The following RRP12 variants were observed in gnomAD, a reference collection of about 807,000 sequenced individuals.
The protein encoded by RRP12 is ribosomal RNA processing 12 homolog, also known as RRP12-like protein.
In RRP12, 78 loss-of-function variants were observed where a neutral mutation model predicts 157.3. That is an observed-to-expected ratio of 0.50 (90% CI 0.41 to 0.60). The LOEUF (loss-of-function observed/expected upper bound fraction) is 0.60, where lower values mean the gene tolerates loss of function less well. Among genes scored for constraint, RRP12 ranks in the 20% least tolerant of loss-of-function variants. The pLI is 0.00. For missense variants in RRP12, 1,521 were observed against 1,679.9 expected, an observed-to-expected ratio of 0.91 and a Z score of 1.65; for synonymous variants, 726 against 670.9, an observed-to-expected ratio of 1.08 and a Z score of -1.27.
intron 6 of RRP12, among the ~76,000 whole-genome samples, chr10:97,390,118 T>G (rs1371574315): frequency 6.6e-6 from 1 of 152,202 alleles, no homozygotes; most frequent in Non-Finnish European, 1.5e-5. Flanking sequence ...CAGGTCTGTG[T>G]GACTCCCCCA....
At chr10:97,393,147 T>TTA (rs1227771517) in intron 4 of RRP12, 1 of 372,384 alleles carries the variant, frequency 2.7e-6, no homozygotes, top group East Asian at 7.2e-5. Context: ...AGTGCTGGGA[T>TTA]TATAGGTGTG....
In RRP12 at chr10:97,400,441, G is replaced by T. The variant is rs781318469; in HGVS notation, c.233C>A (p.Pro78His). 1 of 1,614,078 alleles carries T rather than the reference G, an allele frequency of 6.2e-7. No homozygotes were observed. The highest frequency in any genetic ancestry group is 8.5e-7 in the Non-Finnish European group (1 of 1,180,016). Residue 78 changes from proline (P) to histidine (H), a missense_variant, in exon 2 of 34, where the codon CCC (proline) becomes CAC (histidine). Transcript: ENST00000370992. ...AACCAGCTCCGCCTCTTCTTCCATG[G>T]GCGTCTCCGGGGCTTCGCTTTTGCC... ...RLGKSEAPETPMEEEAELVLT... is the reference protein window; with the variant it reads ...RLGKSEAPETHMEEEAELVLT...
chr10:97,385,425 AG>A lies in RRP12; in HGVS notation c.1117-169del, dbSNP rs1412091328. 3.3e-5 allele frequency among the ~76,000 whole-genome samples: 5 copies of A among 151,976 alleles called. No homozygotes were observed. The East Asian group carries it at 9.7e-4, about 30-fold the overall frequency. On this transcript the variant is annotated intron_variant, in intron 9 of 33. Coordinates refer to ENST00000370992, the MANE Select transcript of RRP12 (RefSeq NM_015179.4). ...GCTCCTGCCTTTCCCTTCTCCATGA[AG>A]CCCTCCCAGCTCTAATTCTTTGGGA...
In RRP12 at chr10:97,381,443, A is replaced by C. The variant is rs1243717608; in HGVS notation, c.1361T>G (p.Ile454Ser). ...KECVAPHMAD[I>S]GSVTSSASGP... ...TGAGGCCGAGGAGGTCACGGAGCCA[A>C]TGTCAGCCATGTGGGGAGCCACGCA... Residue 454 changes from isoleucine (I) to serine (S), a missense_variant, in exon 12 of 34, where the codon ATT (isoleucine) becomes AGT (serine). Ile to Ser is a moderately radical substitution (Grantham distance 142, BLOSUM62 -2). Transcript: ENST00000370992. 1.9e-6 allele frequency: 3 copies of C among 1,613,290 alleles called. No homozygotes were observed. The African/African-American group carries it at 4.0e-5, about 22-fold the overall frequency.
chr10:97,379,393 C>A lies in RRP12; in HGVS notation c.1698G>T (p.Arg566=), dbSNP rs1457604997. 6.2e-7 allele frequency: 1 copy of A among 1,614,076 alleles called. No individual in the cohort carries two copies. Among genetic ancestry groups the A allele is most frequent in the Admixed American group, 1.7e-5 (1 of 60,016 alleles). Residue 566 remains arginine, a synonymous_variant, in exon 15 of 34, where the codon CGG becomes CGT. Transcript: ENST00000370992. ...DGSEETLDFP[R]SWLLPVIRDH... is the part of the protein sequence containing the mutation. ...CTCGGATGACAGGCAGCAGCCAGCT[C>A]CGTGGGAAATCCAGAGTCTCCCTGG...
intron 17 of RRP12, 55 bp downstream of exon 17, chr10:97,373,520 G>A: frequency 6.6e-7 from 1 of 1,514,722 alleles, no homozygotes; most frequent in Non-Finnish European, 8.9e-7. Context: ...CCAGGGGATG[G>A]GGCCAGGGAC....
At chr10:97,358,169 C>G (rs1843759328) in intron 33 of RRP12, among the ~76,000 whole-genome samples, 1 of 151,446 alleles carries the variant, frequency 6.6e-6, no homozygotes. Context: ...CCCATCTCTA[C>G]TAAAAATACA....
chr10:97,379,164 G>A (rs1438963488), intron 15 of RRP12, 129 bp downstream of exon 15: 5 of 1,124,326 alleles, frequency 4.4e-6, no homozygotes, highest in Middle Eastern at 2.9e-4. Flanking sequence ...CCACCTGCTC[G>A]GCAGAGGGAT....
At chr10:97,375,799 T>C (rs1844289058) in intron 15 of RRP12, among the ~76,000 whole-genome samples, 1 of 152,296 alleles carries the variant, frequency 6.6e-6, no homozygotes, top group African/African-American at 2.4e-5. Context: ...AATACAATAC[T>C]ATTTTTACAC....
At chr10:97,393,127 G>A (rs1028297455) in intron 4 of RRP12, 12 of 302,028 alleles carry the variant, frequency 4.0e-5, no homozygotes, top group Admixed American at 1.5e-4. Flanking sequence ...TGCCTGCCTC[G>A]GCCACCCAAA....
intron 27 of RRP12, 21 bp from the exon 28 acceptor site, chr10:97,366,642 G>C (rs1192358352): frequency 1.2e-6 from 2 of 1,605,490 alleles, no homozygotes; most frequent in Non-Finnish European, 1.7e-6. Context: ...AAAGCCCCCA[G>C]TCAGAGTGCT....
Position 97,390,504 on chromosome 10 carries a change from T to C in RRP12, c.672A>G (p.Gln224=). 6.2e-7 allele frequency: 1 copy of C among 1,614,002 alleles called. No homozygotes were observed. Among genetic ancestry groups the C allele is most frequent in the Non-Finnish European group, 8.5e-7 (1 of 1,179,976 alleles). Residue 224 remains glutamine (Q), a synonymous_variant, in exon 6 of 34, where the codon CAA becomes CAG. Transcript: ENST00000370992. ...LSCLATLLRK[Q]DLEAWGYPVT... is the part of the protein sequence containing the mutation. The stretch of plus-strand genomic sequence containing the variant: ...CGGGGTAGCCCCAGGCCTCCAGGTC[T>C]TGCTTCCGCAGAAGGGTGGCCAGGC...
rs766641635 is a variant in RRP12, at chr10:97,385,958, G to C, written c.1053C>G (p.Ser351Arg). The C allele has an allele frequency of 1.9e-6, 3 of 1,604,472 alleles. No homozygotes were observed. The highest frequency in any genetic ancestry group is 1.7e-4 in the Middle Eastern group (1 of 6,050). ...TCAGGCCAGGCCTGGCGTGGAAGAG[G>C]CTGTGAAAGGCCTGCATGGCACAGG... ...VTACAMQAFH[S>R]LFHARPGLST... The change falls in exon 9 of 34, where the codon AGC (serine) becomes AGG (arginine). Residue 351 changes from serine (S) to arginine (R), a missense_variant. By Grantham distance (110) the Ser-to-Arg change is moderately radical. Transcript: ENST00000370992.
intron 15 of RRP12, 29 bp downstream of exon 15, chr10:97,379,264 G>A (rs754976813): frequency 1.3e-4 from 217 of 1,612,416 alleles, no homozygotes; most frequent in Non-Finnish European, 1.7e-4. Context: ...GGGAGCCTCA[G>A]GTCACACACA....
intron 3 of RRP12, among the ~76,000 whole-genome samples, chr10:97,395,278 T>C (rs1247004987): frequency 2.0e-5 from 3 of 152,088 alleles, no homozygotes. Context: ...AGGCCAGCCA[T>C]GGTGGCTCAC....
At chr10:97,364,016 G>T in intron 29 of RRP12, 113 bp from the exon 30 acceptor site, 2 of 881,504 alleles carry the variant, frequency 2.3e-6, no homozygotes, top group African/African-American at 1.6e-5. Flanking sequence ...TCCGGCCCCA[G>T]AAAATTGCCT....
At chr10:97,395,937 G>A (rs1397703718) in intron 3 of RRP12, among the ~76,000 whole-genome samples, 1 of 151,486 alleles carries the variant, frequency 6.6e-6, no homozygotes, top group Non-Finnish European at 1.5e-5. Flanking sequence ...ACCGCAAGAT[G>A]ACAAGACGGT....
intron 8 of RRP12, among the ~76,000 whole-genome samples, chr10:97,386,270 T>C (rs1844629491): frequency 1.3e-5 from 2 of 151,494 alleles, no homozygotes; most frequent in Admixed American, 1.3e-4. Flanking sequence ...TGTATTTTTT[T>C]TTTTTTTTTT....
chr10:97,400,098 A>C (rs1845096804), intron 2 of RRP12, among the ~76,000 whole-genome samples: 1 of 152,204 alleles, frequency 6.6e-6, no homozygotes, highest in Admixed American at 6.5e-5. Context: ...AAATATTTCT[A>C]CCCTCAAGTA....
Sources: gnomAD v4.1 joint callset for allele counts (sites outside exome capture counted in the v4.1 genomes callset) on GRCh38, gnomAD v4.1.1 for gene constraint, MANE v1.5 for transcripts, NCBI Gene and HGNC (gene_info 2026-07-23, HGNC 2026-07-21) for gene names.